Variants in RP1L1 observed in about 807,000 individuals in gnomAD.
RP1L1 encodes retinitis pigmentosa 1-like 1 protein.
In RP1L1, 27 loss-of-function variants were observed where a neutral mutation model predicts 15.7. The observed-to-expected ratio is 1.72, with a 90% CI of 1.27 to 2.38. The LOEUF is 2.38. RP1L1 is among the 30% of genes most tolerant of loss of function. RP1L1 has a pLI of 0.00. For missense variants in RP1L1, 4,798 were observed against 3,075.9 expected (o/e 1.56, Z -13.24); for synonymous variants, 1,813 against 1,276.7 (o/e 1.42, Z -8.96).
Position 10,609,346 on chromosome 8 carries a change from AC to A in RP1L1, c.4751del (p.Gly1584ValfsTer80). 6.2e-7 allele frequency: 1 copy of A among 1,611,284 alleles called. No homozygotes were observed. The highest frequency in any genetic ancestry group is 8.5e-7 in the Non-Finnish European group (1 of 1,179,614). ...CCCTTGGAGGCTCCAGCACCATCCT[AC>A]CCGCCCGGCCCTGGAGCTTCTGGAG... ...RELQKLQGRA[G>X]RMVLEPPREA... On this transcript the variant is annotated frameshift_variant, in exon 4 of 4. Coordinates refer to ENST00000382483, the MANE Select transcript of RP1L1 (RefSeq NM_178857.6). LOFTEE classifies it low-confidence loss of function (END_TRUNC).
Position 10,612,410 on chromosome 8 carries a change from G to T in RP1L1, c.1688C>A (p.Thr563Asn), listed in dbSNP as rs760445345. The part of the protein sequence containing the change: ...QGCPGKARAE[T>N]SQQEASEGGD... ...TCCCTCGCTGGCCTCCTGCTGAGAG[G>T]TCTCGGCCCTTGCCTTGCCTGGACA... The change falls in exon 4 of 4, where the codon ACC becomes AAC. Residue 563 changes from threonine to asparagine, a missense_variant. Physicochemically the swap from Thr to Asn is moderately conservative, Grantham distance 65 (BLOSUM62 0). Coordinates refer to ENST00000382483, the MANE Select transcript of RP1L1 (RefSeq NM_178857.6). 11 of 1,612,720 alleles carry T rather than the reference G, an allele frequency of 6.8e-6. No individual in the cohort carries two copies. Among genetic ancestry groups the T allele is most frequent in the Non-Finnish European group, 9.3e-6 (11 of 1,180,030 alleles).
chr8:10,646,984 C>T (rs539234692), intron 1 of RP1L1, among the ~76,000 whole-genome samples: 13 of 152,308 alleles, frequency 8.5e-5, no homozygotes, highest in African/African-American at 2.2e-4. Context: ...AAGCCTCGCC[C>T]GAGGCGGAAC....
rs138840418 is a variant in RP1L1 at position 10,652,799 on chromosome 8, G to A, written c.-20+2099C>T. ...CCCTATCTCCTCCCGTCCTCTGTGC[G>A]TACCTGCCCTTCCTGGAGGTCATCA... On this transcript the variant is annotated intron_variant, in intron 1 of 3. Coordinates refer to ENST00000382483, the MANE Select transcript of RP1L1 (RefSeq NM_178857.6). Among the ~76,000 whole-genome samples, 17 of 152,242 alleles carry A rather than the reference G, an allele frequency of 1.1e-4. No homozygotes were observed. The East Asian group carries it at 2.3e-3, about 21-fold the overall frequency.
At chr8:10,628,925 G>A (rs967263039) in intron 1 of RP1L1, among the ~76,000 whole-genome samples, 20 of 152,356 alleles carry the variant, frequency 1.3e-4, no homozygotes, top group African/African-American at 4.8e-4. Context: ...TAATGAGATG[G>A]CCTGGATTTG....
intron 3 of RP1L1, among the ~76,000 whole-genome samples, chr8:10,613,600 C>A (rs1473006400): frequency 3.0e-3 from 188 of 62,216 alleles, no homozygotes; most frequent in Middle Eastern, 0.042. Context: ...ACCATCTCTC[C>A]AAAAAAAAAA....
intron 1 of RP1L1, among the ~76,000 whole-genome samples, chr8:10,631,273 ACG>A (rs1798239019): frequency 6.6e-6 from 1 of 150,972 alleles, no homozygotes; most frequent in African/African-American, 2.5e-5. Flanking sequence ...GCACACAAAC[ACG>A]CATGCACACA....
chr8:10,609,587 G>T lies in RP1L1; in HGVS notation c.4511C>A (p.Ser1504Tyr). ...CAGAGCCGCGCTGCAGGCCACCGAA[G>T]AGCTCCTCTCTGCAGCCCCCTGGGT... Reference protein sequence around the residue: ...QPTQGAAERSSSVACSAALDC... With the variant: ...QPTQGAAERSYSVACSAALDC... Residue 1504 changes from serine (S) to tyrosine (Y), a missense_variant, in exon 4 of 4, where the codon TCT becomes TAT. Transcript: ENST00000382483. 1 of 1,604,696 alleles carries T rather than the reference G, an allele frequency of 6.2e-7. No homozygotes were observed. The highest frequency in any genetic ancestry group is 8.5e-7 in the Non-Finnish European group (1 of 1,178,188).
Position 10,617,752 on chromosome 8 carries a change from T to C in RP1L1, c.610-1165A>G, listed in dbSNP as rs112578684. ...TTTGTATTTTTAGTAGAGACAGGGTTTCACCGTGTTAGCCAGGATGGTCTC... is the reference window on the plus strand; with the variant it reads ...TTTGTATTTTTAGTAGAGACAGGGTCTCACCGTGTTAGCCAGGATGGTCTC... On this transcript the variant is annotated intron_variant, in intron 2 of 3. Coordinates refer to ENST00000382483, the MANE Select transcript of RP1L1 (RefSeq NM_178857.6). Among the ~76,000 whole-genome samples, 1,455 of 152,122 alleles carry C rather than the reference T, an allele frequency of 9.6e-3. 20 individuals are homozygous for C. The highest frequency in any genetic ancestry group is 0.033 in the African/African-American group (1,374 of 41,502).
intron 1 of RP1L1, among the ~76,000 whole-genome samples, chr8:10,642,742 G>A (rs1236829310): frequency 1.3e-5 from 2 of 152,180 alleles, no homozygotes; most frequent in Non-Finnish European, 2.9e-5. Flanking sequence ...TTGTTGGCCT[G>A]GGTTTTGGTT....
Position 10,638,859 on chromosome 8 carries a change from G to A in RP1L1, c.-19-15639C>T, listed in dbSNP as rs563551779. On this transcript the variant is annotated intron_variant, in intron 1 of 3. Coordinates refer to ENST00000382483, the MANE Select transcript of RP1L1 (RefSeq NM_178857.6). ...CTCTGCTCTCTGATAGAGCAAGCAAGCACGGCCAGGCATGGTGGCTCACAC... is the reference window on the plus strand; with the variant it reads ...CTCTGCTCTCTGATAGAGCAAGCAAACACGGCCAGGCATGGTGGCTCACAC... Among the ~76,000 whole-genome samples the A allele has an allele frequency of 1.2e-3, 180 of 152,244 alleles. 1 individual carries two copies. Among genetic ancestry groups the A allele is most frequent in the Admixed American group, 4.6e-3 (70 of 15,288 alleles).
rs753700059 is a variant in RP1L1 at position 10,608,753 on chromosome 8, C to G, written c.5345G>C (p.Ser1782Thr). 7 of 1,614,252 alleles carry G rather than the reference C, an allele frequency of 4.3e-6. No homozygotes were observed. The highest frequency in any genetic ancestry group is 5.9e-6 in the Non-Finnish European group (7 of 1,180,054). ...REGKTHNSETSAGSELGEAEQ... is the reference protein window; with the variant it reads ...REGKTHNSETTAGSELGEAEQ... ...AGCTTCCCCCAACTCACTGCCCGCACTGGTTTCACTGTTGTGGGTTTTCCC... is the reference window on the plus strand; with the variant it reads ...AGCTTCCCCCAACTCACTGCCCGCAGTGGTTTCACTGTTGTGGGTTTTCCC... Residue 1782 changes from serine (S) to threonine (T), a missense_variant, in exon 4 of 4, where the codon AGT (serine) becomes ACT (threonine). Transcript: ENST00000382483.
At chr8:10,618,247 C>T (rs986219526) in intron 2 of RP1L1, among the ~76,000 whole-genome samples, 1 of 152,166 alleles carries the variant, frequency 6.6e-6, no homozygotes, top group Non-Finnish European at 1.5e-5. Context: ...TGCCTGTAAT[C>T]TCAGCACTTT....
At chr8:10,627,494 G>A (rs1224506846) in intron 1 of RP1L1, among the ~76,000 whole-genome samples, 1 of 152,006 alleles carries the variant, frequency 6.6e-6, no homozygotes, top group East Asian at 1.9e-4. Context: ...GTACGAGAGG[G>A]GAGTTAATGT....
At chr8:10,643,862 G>A (rs553278342) in intron 1 of RP1L1, among the ~76,000 whole-genome samples, 1 of 152,106 alleles carries the variant, frequency 6.6e-6, no homozygotes, top group East Asian at 1.9e-4. Context: ...GAAATTCAGG[G>A]AATGGAAGCA....
intron 1 of RP1L1, among the ~76,000 whole-genome samples, chr8:10,623,552 A>G (rs927883798): frequency 2.6e-5 from 4 of 151,728 alleles, no homozygotes; most frequent in Non-Finnish European, 2.9e-5. Context: ...CAGCACAACC[A>G]TGTCCCCAGC....
chr8:10,608,322 C>A lies in RP1L1; in HGVS notation c.5776G>T (p.Glu1926Ter), dbSNP rs762800376. The A allele has an allele frequency of 1.9e-6, 3 of 1,613,334 alleles. No individual in the cohort carries two copies. The highest frequency in any genetic ancestry group is 2.5e-6 in the Non-Finnish European group (3 of 1,179,884). ...QPETESVEAL[E>*]TEGEDEPESE... Reference sequence around the variant, plus strand: ...TCTGGCTCGTCCTCCCCTTCAGTCTCCAGGGCCTCTACACTTTCTGTCTCT... The same window carrying A: ...TCTGGCTCGTCCTCCCCTTCAGTCTACAGGGCCTCTACACTTTCTGTCTCT... The change falls in exon 4 of 4, where the codon GAG becomes TAG. Residue 1926 changes from glutamate to a stop codon, truncating the protein, a stop_gained. Transcript: ENST00000382483. LOFTEE classifies it low-confidence loss of function (END_TRUNC).
rs199631825 is a variant in RP1L1, at chr8:10,607,196, G to C, written c.6902C>G (p.Ser2301Cys). The C allele has an allele frequency of 1.4e-4, 225 of 1,614,224 alleles. 1 individual carries two copies. The highest frequency in any genetic ancestry group is 7.2e-4 in the Admixed American group (43 of 60,034). Residue 2301 changes from serine to cysteine, a missense_variant, in exon 4 of 4, where the codon TCC becomes TGC. Ser to Cys is a moderately radical substitution (Grantham distance 112). Coordinates refer to ENST00000382483, the MANE Select transcript of RP1L1 (RefSeq NM_178857.6). The stretch of plus-strand genomic sequence containing the variant: ...GCAGTTGCCCCAAGAGGATGCTCTG[G>C]AGGAGGAAGGGCCTGTTTGGGAGCC... Reference protein sequence around the residue: ...RPGSQTGPSSSRASSWGNCWQ... With the variant: ...RPGSQTGPSSCRASSWGNCWQ...
At chr8:10,631,156 T>C (rs1798234910) in intron 1 of RP1L1, among the ~76,000 whole-genome samples, 1 of 152,106 alleles carries the variant, frequency 6.6e-6, no homozygotes, top group Non-Finnish European at 1.5e-5. Flanking sequence ...CAGGATATTT[T>C]AGACGGCCCA....
At chr8:10,654,178 A>G (rs1159326430) in intron 1 of RP1L1, among the ~76,000 whole-genome samples, 1 of 152,158 alleles carries the variant, frequency 6.6e-6, no homozygotes, top group African/African-American at 2.4e-5. Context: ...GAAAACTGGG[A>G]CGGGAGACTG....
Sources: allele counts gnomAD v4.1 joint callset (sites outside exome capture counted in the v4.1 genomes callset), GRCh38; gene constraint gnomAD v4.1.1; transcripts MANE v1.5; gene names NCBI Gene and HGNC (gene_info 2026-07-23, HGNC 2026-07-21).